Variants in SYCP3 observed in about 807,000 individuals in gnomAD.
The protein encoded by SYCP3 is synaptonemal complex protein 3.
A neutral mutation model predicts 38.5 loss-of-function variants in SYCP3; 29 were observed. That is an observed-to-expected ratio of 0.75 (90% CI 0.56 to 1.03). The LOEUF (loss-of-function observed/expected upper bound fraction) is 1.03, where lower values mean the gene tolerates loss of function less well. SYCP3 is among the 50% of genes least tolerant of loss of function. The pLI, the probability that SYCP3 is intolerant of heterozygous loss-of-function variation, is 0.00. For missense variants in SYCP3, 242 were observed against 270.7 expected (o/e 0.89, Z 0.74); for synonymous variants, 79 against 80.3 (o/e 0.98, Z 0.08).
intron 7 of SYCP3, among the ~76,000 whole-genome samples, chr12:101,731,182 T>A (rs1952175394): frequency 6.6e-6 from 1 of 152,174 alleles, no homozygotes; most frequent in South Asian, 2.1e-4. Flanking sequence ...GAGAATTCAA[T>A]AATTTGGGTA....
rs1326416069 is a variant in SYCP3 at position 101,737,921 on chromosome 12, T to C, written c.15A>G (p.Gly5=). 4 of 1,614,206 alleles carry C rather than the reference T, an allele frequency of 2.5e-6. No individual in the cohort carries two copies. Among genetic ancestry groups the C allele is most frequent in the Non-Finnish European group, 3.4e-6 (4 of 1,180,036 alleles). Residue 5 remains glycine, a synonymous_variant, in exon 2 of 9, where the codon GGA becomes GGG. Coordinates refer to ENST00000392924, the MANE Select transcript of SYCP3 (RefSeq NM_001177949.2). The part of the protein sequence containing the change: MVSS[G]KKYSRKSGKP... The stretch of plus-strand genomic sequence containing the variant: ...TCCCAGATTTCCTGGAATACTTTTT[T>C]CCGGAGGACACCATATTTAGATGCT...
intron 7 of SYCP3, among the ~76,000 whole-genome samples, chr12:101,730,245 T>C (rs1170564907): frequency 2.6e-5 from 4 of 152,052 alleles, no homozygotes; most frequent in Non-Finnish European, 5.9e-5. Context: ...AAAGAACCAC[T>C]GCAGAAGTAA....
intron 2 of SYCP3, chr12:101,737,523 T>G: frequency 1.5e-6 from 1 of 648,676 alleles, no homozygotes; most frequent in Non-Finnish European, 2.6e-6. Flanking sequence ...TGGGTTAATG[T>G]CACAGTAAGC....
chr12:101,739,263 G>T, intron 1 of SYCP3, 88 bp downstream of exon 1: 1 of 999,914 alleles, frequency 1.0e-6, no homozygotes, highest in African/African-American at 1.7e-5. Context: ...GGCCCCAGGC[G>T]ACGCCAGGAG....
At chr12:101,730,992 A>G (rs1199965644) in intron 7 of SYCP3, among the ~76,000 whole-genome samples, 2 of 152,212 alleles carry the variant, frequency 1.3e-5, no homozygotes, top group Non-Finnish European at 2.9e-5. Context: ...CAAGAGGGGT[A>G]CAGACTACAA....
At chr12:101,731,469 T>G (rs900274191) in intron 7 of SYCP3, 99 bp downstream of exon 7, 2 of 740,316 alleles carry the variant, frequency 2.7e-6, no homozygotes, top group African/African-American at 3.6e-5. Context: ...AGTTAAAGTC[T>G]AAAATGTTTT....
At position 101,737,068 on chromosome 12, in the gene SYCP3, A is replaced by C. The variant is rs1378324650; in HGVS notation, c.204T>G (p.Gly68=). The C allele has an allele frequency of 6.2e-7, 1 of 1,613,820 alleles. No individual in the cohort carries two copies. Among genetic ancestry groups the C allele is most frequent in the Non-Finnish European group, 8.5e-7 (1 of 1,179,884 alleles). Residue 68 remains glycine (G), a synonymous_variant, in exon 4 of 9, where the codon GGT becomes GGG. Transcript: ENST00000392924. ...CTCCTTCCAGCATATTCTGCACTTC[A>C]CCCCTGGAAAGAAATTACATTTTAA... The part of the protein sequence containing the change: ...SSAGVVEDMG[G]EVQNMLEGVG...
chr12:101,732,585 A>G (rs1176066419), intron 6 of SYCP3: 2 of 151,914 alleles, frequency 1.3e-5, no homozygotes, highest in African/African-American at 2.4e-5. Context: ...TCATTTCTAG[A>G]TCTCTTATAA....
rs1952045311 is a variant in SYCP3 at position 101,728,778 on chromosome 12, A to T, written c.*149T>A. 3 of 1,103,172 alleles carry T rather than the reference A, an allele frequency of 2.7e-6. No homozygotes were observed. Among genetic ancestry groups the T allele is most frequent in the Non-Finnish European group, 3.9e-6 (3 of 763,082 alleles). The allele number at this position is 1,103,172 out of a possible 1,614,324, so 68.3% of individuals were successfully genotyped here. ...ACTAACTCATAACTATTTAGATTTGACTTAACAGAAAGGGAGGTCTTACAA... is the reference window on the plus strand; with the variant it reads ...ACTAACTCATAACTATTTAGATTTGTCTTAACAGAAAGGGAGGTCTTACAA... On this transcript the variant is annotated 3_prime_UTR_variant, in exon 9 of 9. Coordinates refer to ENST00000392924, the MANE Select transcript of SYCP3 (RefSeq NM_001177949.2).
Position 101,731,598 on chromosome 12 carries a change from T to A in SYCP3, c.522A>T (p.Thr174=). 2 of 1,607,226 alleles carry A rather than the reference T, an allele frequency of 1.2e-6. No homozygotes were observed. The highest frequency in any genetic ancestry group is 1.7e-6 in the Non-Finnish European group (2 of 1,178,204). Residue 174 remains threonine, a synonymous_variant, in exon 7 of 9, where the codon ACA becomes ACT. Transcript: ENST00000392924. ...SRIVQSQRLK[T]IKQLYEQFIK... ...TGAACTGCTCATATAACTGTTTAAT[T>A]GTTTTCAATCTCTGGCTCTGAACAA...
chr12:101,735,851 TTATA>T (rs1157750107), intron 4 of SYCP3, among the ~76,000 whole-genome samples: 1 of 96,080 alleles, frequency 1.0e-5, no homozygotes, highest in Non-Finnish European at 2.0e-5. Flanking sequence ...ATAATCAATT[TTATA>T]TATATATATA....
intron 4 of SYCP3, 106 bp from the exon 5 acceptor site, chr12:101,735,150 A>T: frequency 1.5e-6 from 1 of 687,042 alleles, no homozygotes; most frequent in Non-Finnish European, 2.5e-6. Flanking sequence ...TATTGGAAAG[A>T]CATTTAAACT....
rs544881035 is a variant in SYCP3 at position 101,735,194 on chromosome 12, G to A, written c.236-150C>T. ...GAAATAGGCATAATTTCAAAATGCAGAATTGTTTGCTTACTTTTTTTTTCT... is the reference window on the plus strand; with the variant it reads ...GAAATAGGCATAATTTCAAAATGCAAAATTGTTTGCTTACTTTTTTTTTCT... On this transcript the variant is annotated intron_variant, in intron 4 of 8. Transcript: ENST00000392924. 7.1e-5 allele frequency: 42 copies of A among 593,680 alleles called. No individual in the cohort carries two copies. In the Admixed American group the frequency reaches 1.1e-3, roughly 16 times the overall value. 36.8% of individuals were successfully genotyped at this position (593,680 alleles called of 1,614,324 possible).
chr12:101,737,786 C>T lies in SYCP3; in HGVS notation c.133+17G>A. 4 of 1,614,042 alleles carry T rather than the reference C, an allele frequency of 2.5e-6. No homozygotes were observed. Among genetic ancestry groups the T allele is most frequent in the Non-Finnish European group, 3.4e-6 (4 of 1,179,976 alleles). On this transcript the variant is annotated intron_variant, in intron 2 of 8. Coordinates refer to ENST00000392924, the MANE Select transcript of SYCP3 (RefSeq NM_001177949.2). ...TGAACTGAAGGACATCACTGCCCAA[C>T]ATGAGATGTACTGCACCTTCAATAA...
chr12:101,738,262 G>GA (rs34763936), intron 1 of SYCP3, among the ~76,000 whole-genome samples: 18,945 of 127,996 alleles, frequency 0.15, 1,695 homozygotes, highest in East Asian at 0.51. Context: ...CGTCTCTACT[G>GA]AAAAAAAAAA....
chr12:101,729,171 C>G lies in SYCP3; in HGVS notation c.595G>C (p.Gly199Arg). 2 of 1,612,510 alleles carry G rather than the reference C, an allele frequency of 1.2e-6. No homozygotes were observed. The highest frequency in any genetic ancestry group is 1.7e-6 in the Non-Finnish European group (2 of 1,179,424). ...LEKNHDNLLT[G>R]AQNEFKKEMA... ...TCTTTTTTAAATTCATTTTGTGCAC[C>G]AGTAAGTAGATTATCATGATTCTTC... The change falls in exon 8 of 9, where the codon GGT becomes CGT. Residue 199 changes from glycine (G) to arginine (R), a missense_variant. Coordinates refer to ENST00000392924, the MANE Select transcript of SYCP3 (RefSeq NM_001177949.2).
chr12:101,735,021 C>A lies in SYCP3; in HGVS notation c.259G>T (p.Ala87Ser). The change falls in exon 5 of 9, where the codon GCC (alanine) becomes TCC (serine). Residue 87 changes from alanine to serine, a missense_variant. Coordinates refer to ENST00000392924, the MANE Select transcript of SYCP3 (RefSeq NM_001177949.2). Reference sequence around the variant, plus strand: ...TACATTTCTAGTCTCTTTCTCTTGGCAAGAAGAGCCTTGTTAATGTCAACT... The same window carrying A: ...TACATTTCTAGTCTCTTTCTCTTGGAAAGAAGAGCCTTGTTAATGTCAACT... Reference protein sequence around the residue: ...VGVDINKALLAKRKRLEMYTK... With the variant: ...VGVDINKALLSKRKRLEMYTK... The A allele has an allele frequency of 6.2e-7, 1 of 1,610,598 alleles. No homozygotes were observed.
chr12:101,735,871 A>ATATATATTTTTTTTTTTT, intron 4 of SYCP3, among the ~76,000 whole-genome samples: 3 of 74,790 alleles, frequency 4.0e-5, no homozygotes, highest in African/African-American at 1.9e-4. Context: ...ATATATATAT[A>ATATATATTTTTTTTTTTT]TTTTTTTTTT....
In SYCP3 at chr12:101,731,565, A is replaced by G. The variant is rs1175123471; in HGVS notation, c.552+3T>C. On this transcript the variant is annotated splice_donor_region_variant and intron_variant, in intron 7 of 8. Transcript: ENST00000392924. ...ATGTATTGTGTTACCACATACAACA[A>G]ACCTTTATGAACTGCTCATATAACT... The G allele has an allele frequency of 4.4e-6, 7 of 1,591,924 alleles. No homozygotes were observed. Among genetic ancestry groups the G allele is most frequent in the African/African-American group, 1.3e-5 (1 of 74,552 alleles).
Sources: allele counts gnomAD v4.1 joint callset (sites outside exome capture counted in the v4.1 genomes callset), GRCh38; gene constraint gnomAD v4.1.1; transcripts MANE v1.5; gene names NCBI Gene and HGNC (gene_info 2026-07-23, HGNC 2026-07-21).